The following PECAM1 variants were observed in gnomAD, a reference collection of about 807,000 sequenced individuals.
PECAM1 encodes platelet endothelial cell adhesion molecule.
A neutral mutation model predicts 13.8 loss-of-function variants in PECAM1; 8 were observed. That is an observed-to-expected ratio of 0.58 (90% CI 0.34 to 1.05). The LOEUF is 1.05. Among genes scored for constraint, PECAM1 ranks in the 50% least tolerant of loss-of-function variants. The pLI, the probability that PECAM1 is intolerant of heterozygous loss-of-function variation, is 0.03. For missense variants in PECAM1, 304 were observed against 141.2 expected, an observed-to-expected ratio of 2.15 and a Z score of -5.84; for synonymous variants, 136 against 52.6, an observed-to-expected ratio of 2.58 and a Z score of -6.86.
intron 13 of PECAM1, among the ~76,000 whole-genome samples, chr17:64,342,840 C>G (rs2143738664): frequency 6.6e-6 from 1 of 152,210 alleles, no homozygotes; most frequent in South Asian, 2.1e-4. Flanking sequence ...CACTCATGCA[C>G]ACAATGTGTA....
intron 15 of PECAM1, among the ~76,000 whole-genome samples, chr17:64,328,719 G>C (rs1555646102): frequency 1.3e-5 from 2 of 152,222 alleles, no homozygotes; most frequent in African/African-American, 4.8e-5. Flanking sequence ...CCCACTGGAA[G>C]AGCTACCAGA....
intron 15 of PECAM1, among the ~76,000 whole-genome samples, chr17:64,325,732 AT>A (rs1555645544): frequency 6.6e-6 from 1 of 152,026 alleles, no homozygotes; most frequent in Non-Finnish European, 1.5e-5. Context: ...GTGAGACTTC[AT>A]CTCAAAAAAC....
At position 64,360,179 on chromosome 17, in the gene PECAM1, C is replaced by T. The variant is rs1403638636; in HGVS notation, c.1453G>A (p.Ala485Thr). ...CTCAGAACCTCACTTAACATTTTGG[C>T]ATGGGAATGGCAATTATCTGCAACA... Reference protein sequence around the residue: ...QCVADNCHSHAKMLSEVLRVK... With the variant: ...QCVADNCHSHTKMLSEVLRVK... Residue 485 changes from alanine (A) to threonine (T), a missense_variant, in exon 7 of 16, where the codon GCC becomes ACC. By Grantham distance (58) the Ala-to-Thr change is moderately conservative. Transcript: ENST00000563924. The T allele has an allele frequency of 8.4e-6, 4 of 475,360 alleles. No individual in the cohort carries two copies. The highest frequency in any genetic ancestry group is 6.7e-5 in the South Asian group (1 of 14,872). The allele number at this position is 475,360 out of a possible 1,614,324, so 29.4% of individuals were successfully genotyped here. A position where few individuals can be genotyped will look rare whatever the true frequency, so the allele number is the denominator to read the frequency against.
In PECAM1 at chr17:64,322,499, G is replaced by T. The variant is rs1171906229; in HGVS notation, c.*1317C>A. The stretch of plus-strand genomic sequence containing the variant: ...GCCCCTCAGAAGACAACATTTCACA[G>T]ATCTGCAAAGAGCAAAGGTCAAATT... On this transcript the variant is annotated 3_prime_UTR_variant, in exon 16 of 16. Transcript: ENST00000563924. 9.1e-6 allele frequency: 9 copies of T among 985,280 alleles called. 1 individual carries two copies. The highest frequency in any genetic ancestry group is 1.0e-3 in the Middle Eastern group (2 of 1,936). The allele number at this position is 985,280 out of a possible 1,614,324, so 61.0% of individuals were successfully genotyped here. A position where few individuals can be genotyped will look rare whatever the true frequency, so the allele number is the denominator to read the frequency against.
At chr17:64,372,694 G>A (rs1255221234) in intron 4 of PECAM1, among the ~76,000 whole-genome samples, 1 of 151,884 alleles carries the variant, frequency 6.6e-6, no homozygotes, top group East Asian at 2.0e-4. Context: ...GTAGAGATGA[G>A]GTTTCACCAT....
At chr17:64,324,117 G>A (rs1301499700) in intron 15 of PECAM1, among the ~76,000 whole-genome samples, 1 of 152,078 alleles carries the variant, frequency 6.6e-6, no homozygotes, top group Non-Finnish European at 1.5e-5. Context: ...CACCCACCAG[G>A]GTTCCTGCAG....
At chr17:64,349,932 T>A (rs2035677201) in intron 12 of PECAM1, among the ~76,000 whole-genome samples, 5 of 152,172 alleles carry the variant, frequency 3.3e-5, no homozygotes. Flanking sequence ...CTTAACAGAA[T>A]CCTTTCTCTT....
chr17:64,350,344 G>C (rs1219884470), intron 12 of PECAM1, 36 bp downstream of exon 12: 16 of 411,734 alleles, frequency 3.9e-5, no homozygotes, highest in South Asian at 1.3e-4. Context: ...TAATGTAAAA[G>C]TTGGTTCTAA....
At chr17:64,370,352 C>T (rs1030398347) in intron 4 of PECAM1, 12 of 189,548 alleles carry the variant, frequency 6.3e-5, no homozygotes, top group African/African-American at 1.4e-4. Flanking sequence ...CTGCCCACTA[C>T]GAGTTTTCTA....
rs1235588616 is a variant in PECAM1, at chr17:64,363,381, G to A, written c.984C>T (p.Pro328=). 2.1e-5 allele frequency: 10 copies of A among 475,234 alleles called. No individual in the cohort carries two copies. The highest frequency in any genetic ancestry group is 1.2e-3 in the Middle Eastern group (2 of 1,682). The allele number at this position is 475,234 out of a possible 1,614,324, so 29.4% of individuals were successfully genotyped here. The change falls in exon 6 of 16, where the codon CCC becomes CCT. Residue 328 remains proline, a synonymous_variant. Coordinates refer to ENST00000563924, the MANE Select transcript of PECAM1 (RefSeq NM_000442.5). ...VVNITELFSK[P]ELESSFTHLD... is the part of the protein sequence containing the mutation. The stretch of plus-strand genomic sequence containing the variant: ...GATGTGTGAAGGAAGATTCCAGTTC[G>A]GGCTTGGAAAATAGTTCTGAAAAAC...
chr17:64,378,646 C>CA (rs1206844579), intron 2 of PECAM1, among the ~76,000 whole-genome samples: 4,903 of 131,700 alleles, frequency 0.037, 206 homozygotes, highest in African/African-American at 0.11. Context: ...TCTCAAAAGA[C>CA]AAAAAAAAAA....
At chr17:64,331,480 C>G (rs147465582) in intron 14 of PECAM1, among the ~76,000 whole-genome samples, 47 of 152,352 alleles carry the variant, frequency 3.1e-4, no homozygotes, top group African/African-American at 1.1e-3. Context: ...GCCACTGTGC[C>G]CAGTCTCACA....
At chr17:64,384,946 A>G (rs1009107103) in intron 2 of PECAM1, among the ~76,000 whole-genome samples, 1 of 152,202 alleles carries the variant, frequency 6.6e-6, no homozygotes, top group Non-Finnish European at 1.5e-5. Context: ...AGCACAGCCA[A>G]ACTGAATTAC....
At chr17:64,381,051 G>A (rs2036471430) in intron 2 of PECAM1, among the ~76,000 whole-genome samples, 1 of 152,208 alleles carries the variant, frequency 6.6e-6, no homozygotes, top group Admixed American at 6.5e-5. Flanking sequence ...AGTCAGCATA[G>A]TGGTCATCTC....
At position 64,360,350 on chromosome 17, in the gene PECAM1, C is replaced by T. The variant is rs1400932781; in HGVS notation, c.1282G>A (p.Glu428Lys). ...QFEVIKGQTI[E>K]VRCESISGTL... ...CCACTGATCGATTCGCAACGGACTT[C>T]GATGGTCTGTCCTTTTATGACCTCA... Residue 428 changes from glutamate (E) to lysine (K), a missense_variant, in exon 7 of 16, where the codon GAA becomes AAA. Transcript: ENST00000563924. The T allele has an allele frequency of 2.3e-5, 11 of 475,210 alleles. No individual in the cohort carries two copies. Among genetic ancestry groups the T allele is most frequent in the Non-Finnish European group, 3.9e-5 (10 of 259,048 alleles). The allele number at this position is 475,210 out of a possible 1,614,324, so 29.4% of individuals were successfully genotyped here.
chr17:64,375,213 G>A lies in PECAM1; in HGVS notation c.529C>T (p.Leu177=). 1 of 475,348 alleles carries A rather than the reference G, an allele frequency of 2.1e-6. No homozygotes were observed. Among genetic ancestry groups the A allele is most frequent in the Non-Finnish European group, 3.9e-6 (1 of 259,048 alleles). 29.4% of individuals were successfully genotyped at this position (475,348 alleles called of 1,614,324 possible). ...TCTCGAGAATTCTTCTCTCTTTTCA[G>A]CTTGACCATTTTTTCATTTAGTTCA... ...KLELNEKMVK[L]KREKNSRDQN... Residue 177 remains leucine, a synonymous_variant, in exon 4 of 16, where the codon CTG becomes TTG. Transcript: ENST00000563924.
At chr17:64,325,452 C>T (rs2034927229) in intron 15 of PECAM1, among the ~76,000 whole-genome samples, 1 of 152,054 alleles carries the variant, frequency 6.6e-6, no homozygotes, top group African/African-American at 2.4e-5. Context: ...AAAAGGATTC[C>T]TGGCTGGGCA....
At chr17:64,340,621 A>T (rs1054582884) in intron 14 of PECAM1, among the ~76,000 whole-genome samples, 1 of 152,090 alleles carries the variant, frequency 6.6e-6, no homozygotes, top group Admixed American at 6.6e-5. Flanking sequence ...CCCCACCGAA[A>T]AAAAGGACTT....
chr17:64,350,054 T>G (rs1277409096), intron 12 of PECAM1, among the ~76,000 whole-genome samples: 1 of 152,098 alleles, frequency 6.6e-6, no homozygotes, highest in Admixed American at 6.6e-5. Context: ...TATTGTCCAT[T>G]GTCTTTAAAA....
Sources: gnomAD v4.1 joint callset for allele counts (sites outside exome capture counted in the v4.1 genomes callset) on GRCh38, gnomAD v4.1.1 for gene constraint, MANE v1.5 for transcripts, NCBI Gene and HGNC (gene_info 2026-07-23, HGNC 2026-07-21) for gene names.